The following SETD4 variants were observed in gnomAD, a reference collection of about 807,000 sequenced individuals.
SETD4 encodes the protein SET domain containing 4.
In SETD4, 46 loss-of-function variants were observed where a neutral mutation model predicts 58.3. That is an observed-to-expected ratio of 0.79 (90% CI 0.62 to 1.01). The LOEUF is 1.01. Ranked by LOEUF, SETD4 falls within the 50% of genes least tolerant of loss-of-function variation. The pLI is 0.00. For missense variants in SETD4, 490 were observed against 523.3 expected, an observed-to-expected ratio of 0.94 and a Z score of 0.62; for synonymous variants, 190 against 202.6, an observed-to-expected ratio of 0.94 and a Z score of 0.53.
chr21:36,049,617 T>C (rs2064538701), intron 4 of SETD4, among the ~76,000 whole-genome samples: 1 of 152,230 alleles, frequency 6.6e-6, no homozygotes, highest in Non-Finnish European at 1.5e-5. Context: ...TTTCCTCATC[T>C]GTAAAGCAAG....
rs1293316614 is a variant in SETD4, at chr21:36,035,285, C to G, written c.*708G>C. On this transcript the variant is annotated 3_prime_UTR_variant, in exon 12 of 12. Transcript: ENST00000332131. ...AACCACCACCATGGTTCGCCATCAGCTGACCTACACTGAACCCCAGAATCA... is the reference window on the plus strand; with the variant it reads ...AACCACCACCATGGTTCGCCATCAGGTGACCTACACTGAACCCCAGAATCA... 6.6e-6 allele frequency: 1 copy of G among 152,380 alleles called. No homozygotes were observed. Among genetic ancestry groups the G allele is most frequent in the Non-Finnish European group, 1.5e-5 (1 of 68,200 alleles). 9.4% of individuals were successfully genotyped at this position (152,380 alleles called of 1,614,324 possible).
chr21:36,057,571 T>C, intron 2 of SETD4: 1 of 462,514 alleles, frequency 2.2e-6, no homozygotes, highest in Non-Finnish European at 3.9e-6. Flanking sequence ...CATACGACTA[T>C]ATTCATTCAA....
intron 4 of SETD4, among the ~76,000 whole-genome samples, chr21:36,049,559 A>G (rs965141370): frequency 2.0e-5 from 3 of 152,202 alleles, no homozygotes; most frequent in African/African-American, 7.2e-5. Flanking sequence ...CGTCTCAAAA[A>G]AGAAAAAAAA....
At chr21:36,051,904 C>T (rs1281890799) in intron 4 of SETD4, among the ~76,000 whole-genome samples, 2 of 152,002 alleles carry the variant, frequency 1.3e-5, no homozygotes, top group Non-Finnish European at 2.9e-5. Flanking sequence ...GGCTCTTTTA[C>T]TGGGATTTCT....
At chr21:36,044,098 C>T in intron 6 of SETD4, 142 bp from the exon 7 acceptor site, 3 of 1,040,054 alleles carry the variant, frequency 2.9e-6, no homozygotes, top group Non-Finnish European at 2.7e-6. Context: ...AGGGAAAATG[C>T]CACTTCCGGT....
chr21:36,044,053 C>A, intron 6 of SETD4, 97 bp from the exon 7 acceptor site: 1 of 1,354,840 alleles, frequency 7.4e-7, no homozygotes, highest in South Asian at 1.4e-5. Flanking sequence ...TCAGGTGCAG[C>A]TTTCAAACAC....
At chr21:36,050,658 G>A (rs967904635) in intron 4 of SETD4, 2 of 1,602,720 alleles carry the variant, frequency 1.2e-6, no homozygotes, top group Non-Finnish European at 1.7e-6. Flanking sequence ...GATTGATGAA[G>A]CTCAAGTACC....
intron 4 of SETD4, among the ~76,000 whole-genome samples, chr21:36,049,336 C>T (rs768695236): frequency 6.6e-6 from 1 of 152,178 alleles, no homozygotes; most frequent in Non-Finnish European, 1.5e-5. Flanking sequence ...AGGTGGATCG[C>T]TTGAGGTCAG....
chr21:36,058,296 T>A (rs2065087618), intron 2 of SETD4, among the ~76,000 whole-genome samples: 1 of 150,690 alleles, frequency 6.6e-6, no homozygotes, highest in Non-Finnish European at 1.5e-5. Flanking sequence ...AGCCCAGGAG[T>A]TCAAGACCAG....
At chr21:36,050,471 T>C in intron 4 of SETD4, 3 of 1,614,020 alleles carry the variant, frequency 1.9e-6, no homozygotes, top group Non-Finnish European at 2.5e-6. Flanking sequence ...GGGTGCAAAG[T>C]GATAGTGACA....
chr21:36,046,740 G>A (rs2835249), intron 5 of SETD4, among the ~76,000 whole-genome samples: 19,886 of 152,116 alleles, frequency 0.13, 1,380 homozygotes, highest in Middle Eastern at 0.24. Flanking sequence ...CACAATTGCC[G>A]ATAAAAAGAT....
Position 36,048,335 on chromosome 21 carries a change from C to A in SETD4, c.269G>T (p.Arg90Leu), listed in dbSNP as rs769310913. 3.1e-6 allele frequency: 5 copies of A among 1,614,076 alleles called. No individual in the cohort carries two copies. The highest frequency in any genetic ancestry group is 4.2e-6 in the Non-Finnish European group (5 of 1,180,008). ...SCLLTTDTVI[R>L]SYLGAYITKW... ...AGTAATGTATGCCCCTAAGTAGCTTCGAATCACTGTGTCCGTGGTGAGCAG... is the reference window on the plus strand; with the variant it reads ...AGTAATGTATGCCCCTAAGTAGCTTAGAATCACTGTGTCCGTGGTGAGCAG... Residue 90 changes from arginine (R) to leucine (L), a missense_variant, in exon 5 of 12, where the codon CGA becomes CTA. Arg to Leu is a moderately radical substitution (Grantham distance 102, BLOSUM62 -2). Coordinates refer to ENST00000332131, the MANE Select transcript of SETD4 (RefSeq NM_017438.5).
chr21:36,057,781 G>A (rs1468381836), intron 2 of SETD4, among the ~76,000 whole-genome samples: 3 of 152,156 alleles, frequency 2.0e-5, no homozygotes, highest in Non-Finnish European at 4.4e-5. Flanking sequence ...GAACAACACA[G>A]AAAATAGGAA....
intron 2 of SETD4, 69 bp downstream of exon 2, chr21:36,058,747 C>G: frequency 2.7e-6 from 4 of 1,487,778 alleles, no homozygotes; most frequent in Non-Finnish European, 3.6e-6. Context: ...AGAAAAGCTA[C>G]GTATGAACAA....
chr21:36,045,690 G>C lies in SETD4; in HGVS notation c.618C>G (p.Thr206=). 1 of 1,614,216 alleles carries C rather than the reference G, an allele frequency of 6.2e-7. No individual in the cohort carries two copies. The highest frequency in any genetic ancestry group is 1.1e-5 in the South Asian group (1 of 91,088). Reference sequence around the variant, plus strand: ...GCCTGGGCCTCAGGTACACGGCTCTGGTGTTGACGGTGCACCAAGCCCACA... The same window carrying C: ...GCCTGGGCCTCAGGTACACGGCTCTCGTGTTGACGGTGCACCAAGCCCACA... ...ALLWAWCTVN[T]RAVYLRPRQR... The change falls in exon 6 of 12, where the codon ACC becomes ACG. Residue 206 remains threonine (T), a synonymous_variant. Transcript: ENST00000332131.
In SETD4 at chr21:36,043,425, T is replaced by A. The variant is rs554000640; in HGVS notation, c.901+357A>T. 8.9e-5 allele frequency: 91 copies of A among 1,022,444 alleles called. No homozygotes were observed. In the African/African-American group the frequency reaches 1.5e-3, roughly 16 times the overall value. 63.3% of individuals were successfully genotyped at this position (1,022,444 alleles called of 1,614,324 possible). A position where few individuals can be genotyped will look rare whatever the true frequency, so the allele number is the denominator to read the frequency against. On this transcript the variant is annotated intron_variant, in intron 7 of 11. Coordinates refer to ENST00000332131, the MANE Select transcript of SETD4 (RefSeq NM_017438.5). ...CCCACAGTAGGTGCTTAATAAATATTTTTTATTCATTGCTCTCTAATCCTA... is the reference window on the plus strand; with the variant it reads ...CCCACAGTAGGTGCTTAATAAATATATTTTATTCATTGCTCTCTAATCCTA...
At chr21:36,048,581 G>A (rs1182938025) in intron 4 of SETD4, among the ~76,000 whole-genome samples, 185 bp from the exon 5 acceptor site, 1 of 152,108 alleles carries the variant, frequency 6.6e-6, no homozygotes, top group African/African-American at 2.4e-5. Context: ...TGCACACGAG[G>A]CTGCTCCAAG....
Position 36,035,838 on chromosome 21 carries a change from T to C in SETD4, c.*155A>G. The C allele has an allele frequency of 2.2e-6, 1 of 444,790 alleles. No individual in the cohort carries two copies. Among genetic ancestry groups the C allele is most frequent in the Admixed American group, 4.1e-5 (1 of 24,262 alleles). The allele number at this position is 444,790 out of a possible 1,614,324, so 27.6% of individuals were successfully genotyped here. On this transcript the variant is annotated 3_prime_UTR_variant, in exon 12 of 12. Transcript: ENST00000332131. ...TTAGACCTGCCATCCAGACAGCTTG[T>C]CCACCTTCACTCACAGCCTCACAAT...
intron 4 of SETD4, 164 bp downstream of exon 4, chr21:36,053,419 G>T: frequency 2.8e-6 from 2 of 713,040 alleles, no homozygotes; most frequent in Non-Finnish European, 4.7e-6. Flanking sequence ...GTCTTTTATT[G>T]CAACAAACTT....
Sources: gnomAD v4.1 joint callset for allele counts (sites outside exome capture counted in the v4.1 genomes callset) on GRCh38, gnomAD v4.1.1 for gene constraint, MANE v1.5 for transcripts, NCBI Gene and HGNC (gene_info 2026-07-23, HGNC 2026-07-21) for gene names.